The following WLS variants were observed in gnomAD, a reference collection of about 807,000 sequenced individuals.
WLS encodes the protein protein wntless homolog.
In WLS, 23 loss-of-function variants were observed where a neutral mutation model predicts 62.8. The ratio of observed to expected loss-of-function variants is 0.37; its 90% CI spans 0.26 to 0.52. The LOEUF (loss-of-function observed/expected upper bound fraction) is 0.52, where lower values mean the gene tolerates loss of function less well. Among genes scored for constraint, WLS ranks in the 20% least tolerant of loss-of-function variants. The pLI is 0.92. For missense variants in WLS, 615 were observed against 697.3 expected (o/e 0.88, Z 1.33); for synonymous variants, 246 against 244.1 (o/e 1.01, Z -0.07).
intron 1 of WLS, among the ~76,000 whole-genome samples, chr1:68,207,497 C>A (rs1649328752): frequency 6.6e-6 from 1 of 152,142 alleles, no homozygotes; most frequent in Admixed American, 6.5e-5. Context: ...GGCTGGGTTC[C>A]TAATATATTT....
intron 1 of WLS, among the ~76,000 whole-genome samples, chr1:68,222,015 G>T (rs374596881): frequency 6.6e-6 from 1 of 152,078 alleles, no homozygotes. Context: ...ATGTAAATTC[G>T]ACCAAAATAT....
chr1:68,230,115 TC>T (rs2100677187), intron 1 of WLS, among the ~76,000 whole-genome samples: 1 of 152,178 alleles, frequency 6.6e-6, no homozygotes, highest in Admixed American at 6.5e-5. Flanking sequence ...GGTGGTAGCA[TC>T]CCAGAAATCC....
At chr1:68,202,411 T>C (rs914936752) in intron 1 of WLS, 6 of 152,218 alleles carry the variant, frequency 3.9e-5, no homozygotes, top group African/African-American at 9.6e-5. Context: ...CTTACCACCC[T>C]TGGTGTCCTG....
At chr1:68,210,114 TCAA>T (rs1649453106) in intron 1 of WLS, among the ~76,000 whole-genome samples, 1 of 152,208 alleles carries the variant, frequency 6.6e-6, no homozygotes, top group South Asian at 2.1e-4. Context: ...TCTAGGGACA[TCAA>T]CAAGCTGATT....
At chr1:68,226,696 T>C (rs893464052) in intron 1 of WLS, among the ~76,000 whole-genome samples, 1 of 152,174 alleles carries the variant, frequency 6.6e-6, no homozygotes, top group African/African-American at 2.4e-5. Flanking sequence ...CCATGTCTCC[T>C]CTTTACCAAC....
intron 2 of WLS, chr1:68,162,806 TA>T (rs1458583333): frequency 8.2e-7 from 1 of 1,218,248 alleles, no homozygotes; most frequent in East Asian, 2.3e-5. Flanking sequence ...CTCGGGGCCT[TA>T]AACTTTTCTA....
intron 2 of WLS, among the ~76,000 whole-genome samples, chr1:68,180,765 T>A (rs1202271795): frequency 2.0e-5 from 3 of 152,190 alleles, no homozygotes; most frequent in Admixed American, 2.0e-4. Context: ...ATCCTTTGAC[T>A]CTGCTGGACT....
intron 1 of WLS, among the ~76,000 whole-genome samples, chr1:68,222,872 G>A (rs1649996405): frequency 7.7e-6 from 1 of 129,688 alleles, no homozygotes; most frequent in Admixed American, 9.0e-5. Flanking sequence ...TATCATATTG[G>A]CCTAGAATGT....
Position 68,194,198 on chromosome 1 carries a change from T to C in WLS, c.136A>G (p.Met46Val), listed in dbSNP as rs368633951. ...CGGGCATCCACACATTTCACCGACA[T>C]GTAGGACACTGCCGTTGTGGGCCCT... ...APGPTTAVSYMSVKCVDARKN... is the reference protein window; with the variant it reads ...APGPTTAVSYVSVKCVDARKN... Residue 46 changes from methionine to valine, a missense_variant, in exon 2 of 12, where the codon ATG becomes GTG. Physicochemically the swap from Met to Val is conservative, Grantham distance 21. Transcript: ENST00000262348. 1.2e-6 allele frequency: 2 copies of C among 1,614,208 alleles called. No individual in the cohort carries two copies. The highest frequency in any genetic ancestry group is 2.2e-5 in the East Asian group (1 of 44,882).
rs1646039749 is a variant in WLS at position 68,098,754 on chromosome 1, C to T, written c.1511-1G>A. On this transcript the variant is annotated splice_acceptor_variant, in intron 11 of 11. Transcript: ENST00000354777. LOFTEE classifies it high-confidence loss of function. ...CTCGATTTACATGGGAGTTGCATTCCTGGAAAATTCAGTATATTTTAAAAC... is the reference window on the plus strand; with the variant it reads ...CTCGATTTACATGGGAGTTGCATTCTTGGAAAATTCAGTATATTTTAAAAC... The T allele has an allele frequency of 6.2e-7, 1 of 1,613,334 alleles. No homozygotes were observed. Among genetic ancestry groups the T allele is most frequent in the Non-Finnish European group, 8.5e-7 (1 of 1,179,604 alleles).
At chr1:68,162,977 C>G (rs1570926461) in intron 2 of WLS, 1 of 1,594,298 alleles carries the variant, frequency 6.3e-7, no homozygotes, top group Non-Finnish European at 8.6e-7. Context: ...GGCCGTCCAG[C>G]AGCGCCACCA....
chr1:68,122,030 T>G (rs1448496882), downstream of WLS, among the ~76,000 whole-genome samples: 1 of 152,246 alleles, frequency 6.6e-6, no homozygotes, highest in African/African-American at 2.4e-5. Flanking sequence ...TCTACGATGA[T>G]GGAGCCATAA....
intron 2 of WLS, among the ~76,000 whole-genome samples, chr1:68,181,105 A>G (rs1647541649): frequency 6.6e-6 from 1 of 152,224 alleles, no homozygotes; most frequent in African/African-American, 2.4e-5. Context: ...AATATAATCC[A>G]GAAAATAATC....
chr1:68,127,552 C>T (rs2772311), intron 11 of WLS, among the ~76,000 whole-genome samples: 46,709 of 151,900 alleles, frequency 0.31, 7,255 homozygotes, highest in East Asian at 0.38. Context: ...AAATGGAAAA[C>T]GCAACCACGC....
chr1:68,117,287 C>G (rs1166769877), intron 11 of WLS, among the ~76,000 whole-genome samples: 2 of 152,260 alleles, frequency 1.3e-5, no homozygotes, highest in African/African-American at 4.8e-5. Context: ...GCTGCTAAAC[C>G]TAGTATAATT....
In WLS at chr1:68,108,846, C is replaced by T. The variant is rs572399636; in HGVS notation, c.1511-10093G>A. On this transcript the variant is annotated intron_variant, in intron 11 of 11. Transcript: ENST00000354777. Reference sequence around the variant, plus strand: ...GAAAATTGGCACACTAAAGATACCACGGACCCAGAGAAAGGCCAAAAAATA... The same window carrying T: ...GAAAATTGGCACACTAAAGATACCATGGACCCAGAGAAAGGCCAAAAAATA... Among the ~76,000 whole-genome samples, 14 of 151,984 alleles carry T rather than the reference C, an allele frequency of 9.2e-5. 1 individual carries two copies. The highest frequency in any genetic ancestry group is 3.4e-3 in the Middle Eastern group (1 of 294).
rs186255589 is a variant in WLS, at chr1:68,101,488, C to T, written c.1511-2735G>A. 5.9e-5 allele frequency among the ~76,000 whole-genome samples: 9 copies of T among 152,226 alleles called. No individual in the cohort carries two copies. In the East Asian group the frequency reaches 1.7e-3, roughly 29 times the overall value. ...GGAAAGAAAGAACCTGAAGCTCAGTCCCGATAGGATCACATGAAGCGTCAC... is the reference window on the plus strand; with the variant it reads ...GGAAAGAAAGAACCTGAAGCTCAGTTCCGATAGGATCACATGAAGCGTCAC... On this transcript the variant is annotated intron_variant, in intron 11 of 11. Transcript: ENST00000354777.
At chr1:68,107,262 C>T (rs72936648) in intron 11 of WLS, among the ~76,000 whole-genome samples, 3,349 of 151,384 alleles carry the variant, frequency 0.022, 116 homozygotes, top group African/African-American at 0.076. Context: ...ATGTCTGTAC[C>T]ATTGTTGAAC....
chr1:68,155,624 G>T (rs1395104867), intron 3 of WLS, among the ~76,000 whole-genome samples: 1 of 152,170 alleles, frequency 6.6e-6, no homozygotes. Flanking sequence ...TTTATCTGCA[G>T]TGTGTTGTCA....
Sources: allele counts gnomAD v4.1 joint callset (sites outside exome capture counted in the v4.1 genomes callset), GRCh38; gene constraint gnomAD v4.1.1; transcripts MANE v1.5; gene names NCBI Gene and HGNC (gene_info 2026-07-23, HGNC 2026-07-21).